ABCA1: variants seen among roughly 807,000 people sequenced by gnomAD.
The protein encoded by ABCA1 is ATP binding cassette subfamily A member 1.
Under a neutral mutation model 262.5 loss-of-function variants are expected in ABCA1, and 133 were observed. That is an observed-to-expected ratio of 0.51 (90% CI 0.44 to 0.59). ABCA1 has a LOEUF of 0.59. ABCA1 is among the 20% of genes least tolerant of loss of function. The pLI, the probability that ABCA1 is intolerant of heterozygous loss-of-function variation, is 0.00. For missense variants in ABCA1, 2,452 were observed against 2,777.5 expected, an observed-to-expected ratio of 0.88 and a Z score of 2.63; for synonymous variants, 1,022 against 1,043.5, an observed-to-expected ratio of 0.98 and a Z score of 0.40.
chr9:104,793,538 G>A (rs1460340343), intron 40 of ABCA1, among the ~76,000 whole-genome samples: 1 of 151,216 alleles, frequency 6.6e-6, no homozygotes, highest in East Asian at 2.0e-4. Context: ...TATTCGATTT[G>A]TAACTTCACT....
chr9:104,803,613 T>C (rs1254328509), intron 32 of ABCA1, among the ~76,000 whole-genome samples: 1 of 152,104 alleles, frequency 6.6e-6, no homozygotes, highest in Admixed American at 6.5e-5. Context: ...TTCTTTCTTT[T>C]TTTTTTCTTT....
intron 25 of ABCA1, among the ~76,000 whole-genome samples, chr9:104,815,226 G>A (rs181207882): frequency 3.3e-5 from 5 of 152,160 alleles, no homozygotes; most frequent in East Asian, 1.9e-4. Flanking sequence ...CTGAATGAGC[G>A]CAATCATTTC....
chr9:104,817,094 C>T lies in ABCA1; in HGVS notation c.3535+238G>A. ...CCTAAGGGATTCCCCAAACCCCAAT[C>T]ATCTCAGCTCTCTGGGACACTGCCC... is the stretch of plus-strand genomic sequence containing the variant. On this transcript the variant is annotated intron_variant, in intron 24 of 49. Coordinates refer to ENST00000374736, the MANE Select transcript of ABCA1 (RefSeq NM_005502.4). This position sits in a 1 kb window ranked among gnomAD's most constrained non-coding sequence, Gnocchi z 4.7. 1 of 558,986 alleles carries T rather than the reference C, an allele frequency of 1.8e-6. No individual in the cohort carries two copies. The highest frequency in any genetic ancestry group is 2.3e-6 in the Non-Finnish European group (1 of 440,416). 34.6% of individuals were successfully genotyped at this position (558,986 alleles called of 1,614,324 possible).
intron 18 of ABCA1, 79 bp downstream of exon 18, chr9:104,824,386 G>C (rs961762883): frequency 4.2e-5 from 67 of 1,599,184 alleles, no homozygotes; most frequent in Non-Finnish European, 5.5e-5. Flanking sequence ...AGAAAGGCAG[G>C]AGACATCGCT....
At chr9:104,797,562 T>C (rs1830003600) in intron 37 of ABCA1, among the ~76,000 whole-genome samples, 1 of 106,724 alleles carries the variant, frequency 9.4e-6, no homozygotes. Context: ...TTCTTGGCTT[T>C]GCTTTTGAAA....
At position 104,794,512 on chromosome 9, in the gene ABCA1, TAAAA is replaced by T. The variant is rs77663187; in HGVS notation, c.5383-6_5383-3del. On this transcript the variant is annotated splice_polypyrimidine_tract_variant and splice_region_variant and intron_variant, in intron 39 of 49. Coordinates refer to ENST00000374736, the MANE Select transcript of ABCA1 (RefSeq NM_005502.4). The stretch of plus-strand genomic sequence containing the variant: ...GATATCATTGATATTATTCAGCTTC[TAAAA>T]AAAAAAAAAAAAAATGGGAGGGAAG... 1.9e-5 allele frequency: 24 copies of T among 1,287,862 alleles called. No homozygotes were observed. Among genetic ancestry groups the T allele is most frequent in the East Asian group, 5.6e-5 (2 of 35,774 alleles). 79.8% of individuals were successfully genotyped at this position (1,287,862 alleles called of 1,614,324 possible).
At chr9:104,865,515 C>CAAAA (rs925876847) in intron 5 of ABCA1, among the ~76,000 whole-genome samples, 5 of 66,994 alleles carry the variant, frequency 7.5e-5, no homozygotes, top group African/African-American at 2.7e-4. Context: ...GACTCTGTCT[C>CAAAA]AAAAAAAAAA....
intron 1 of ABCA1, among the ~76,000 whole-genome samples, chr9:104,926,546 G>T (rs548060657): frequency 3.9e-5 from 6 of 152,000 alleles, no homozygotes; most frequent in Admixed American, 2.6e-4. Context: ...GTCTTCACCG[G>T]ATTCACAGTC....
intron 11 of ABCA1, 71 bp downstream of exon 11, chr9:104,836,909 T>C: frequency 8.1e-7 from 1 of 1,233,918 alleles, no homozygotes; most frequent in South Asian, 1.2e-5. Flanking sequence ...CACTCACACC[T>C]GGGAAAGTGA....
rs900038779 is a variant in ABCA1, at chr9:104,858,635, T to C, written c.607A>G (p.Met203Val). Residue 203 changes from methionine to valine, a missense_variant, in exon 7 of 50, where the codon ATG becomes GTG. This residue lies in a region of ABCA1 where 1,032 missense variants were observed against 1,089.7 expected (regional missense o/e 0.95). Coordinates refer to ENST00000374736, the MANE Select transcript of ABCA1 (RefSeq NM_005502.4). ...ACTTCTTGGTCACCAAGTTGAATCA[T>C]CTCTTCTGATTTTGATCCATTGCAC... is the stretch of plus-strand genomic sequence containing the variant. ...SLCNGSKSEE[M>V]IQLGDQEVSE... 31 of 1,614,076 alleles carry C rather than the reference T, an allele frequency of 1.9e-5. No homozygotes were observed. The highest frequency in any genetic ancestry group is 2.5e-5 in the Non-Finnish European group (30 of 1,180,054).
chr9:104,905,385 A>T (rs1663424637), intron 1 of ABCA1, among the ~76,000 whole-genome samples: 1 of 152,218 alleles, frequency 6.6e-6, no homozygotes, highest in Admixed American at 6.5e-5. Context: ...AAGTCAAGAG[A>T]TTGGAGGAAA....
chr9:104,902,926 C>A (rs952418053), intron 2 of ABCA1, among the ~76,000 whole-genome samples: 1 of 152,068 alleles, frequency 6.6e-6, no homozygotes, highest in Admixed American at 6.5e-5. Context: ...GAAATGCATC[C>A]TAGAGATGGG....
chr9:104,892,556 T>G (rs1839841143), intron 2 of ABCA1, among the ~76,000 whole-genome samples: 1 of 152,140 alleles, frequency 6.6e-6, no homozygotes, highest in African/African-American at 2.4e-5. Context: ...GTATCAGCAC[T>G]TGGTACACCA....
At position 104,796,609 on chromosome 9, in the gene ABCA1, C is replaced by T. The variant is rs2277181; in HGVS notation, c.5122-185G>A. ...AATACATTTTGACAAGCATTTTCCCCTTGGCTGATTTTATAAACTACATGC... is the reference window on the plus strand; with the variant it reads ...AATACATTTTGACAAGCATTTTCCCTTTGGCTGATTTTATAAACTACATGC... On this transcript the variant is annotated intron_variant, in intron 37 of 49. Coordinates refer to ENST00000374736, the MANE Select transcript of ABCA1 (RefSeq NM_005502.4). Among the ~76,000 whole-genome samples, 139 of 152,294 alleles carry T rather than the reference C, an allele frequency of 9.1e-4. 2 individuals are homozygous for T. In the East Asian group the frequency reaches 0.021, roughly 23 times the overall value.
chr9:104,836,828 G>A, intron 11 of ABCA1, 152 bp downstream of exon 11: 1 of 670,752 alleles, frequency 1.5e-6, no homozygotes, highest in Admixed American at 2.1e-5. Context: ...CTTCTGGAGA[G>A]GTGGTGCCCT....
At chr9:104,904,130 C>G (rs1388420799) in intron 1 of ABCA1, among the ~76,000 whole-genome samples, 1 of 152,208 alleles carries the variant, frequency 6.6e-6, no homozygotes, top group Non-Finnish European at 1.5e-5. Context: ...ACCTACCTCT[C>G]TTTTCTAAGA....
chr9:104,793,458 TC>T (rs1829608024), intron 40 of ABCA1, among the ~76,000 whole-genome samples, 158 bp from the exon 41 acceptor site: 1 of 151,922 alleles, frequency 6.6e-6, no homozygotes, highest in Non-Finnish European at 1.5e-5. Context: ...AAGAGAGTGA[TC>T]ACTTTCCAAG....
At chr9:104,875,445 T>A (rs1588476149) in intron 5 of ABCA1, among the ~76,000 whole-genome samples, 1 of 151,170 alleles carries the variant, frequency 6.6e-6, no homozygotes, top group African/African-American at 2.4e-5. Flanking sequence ...CACACAAAAG[T>A]GCAGCTGAAG....
intron 49 of ABCA1, among the ~76,000 whole-genome samples, 200 bp from the exon 50 acceptor site, chr9:104,784,655 C>A (rs990529938): frequency 6.6e-6 from 1 of 151,940 alleles, no homozygotes; most frequent in Non-Finnish European, 1.5e-5. Context: ...GACTTTTTTT[C>A]CCCCCTTGAA....
Sources: gnomAD v4.1 joint callset for allele counts (sites outside exome capture counted in the v4.1 genomes callset) on GRCh38, gnomAD v4.1.1 for gene constraint, gnomAD v4.1.1 regional missense constraint, Gnocchi (gnomAD v3.1) non-coding constraint, MANE v1.5 for transcripts, NCBI Gene and HGNC (gene_info 2026-07-23, HGNC 2026-07-21) for gene names.